The following RPL41 variants were observed in gnomAD, a reference collection of about 807,000 sequenced individuals.
The protein encoded by RPL41 is ribosomal protein L41, also known as small ribosomal subunit protein eS32.
RPL41 carries 3 observed loss-of-function variants against 7.3 expected under a neutral mutation model. The observed-to-expected ratio is 0.41, with a 90% confidence interval of 0.19 to 1.06. The LOEUF is 1.06. Among genes scored for constraint, RPL41 ranks in the 50% least tolerant of loss-of-function variants. The probability of loss-of-function intolerance (pLI) is 0.32; values close to 1 mark genes in which losing one functional copy is unlikely to be tolerated. For missense variants in RPL41, 13 were observed against 30.4 expected, an observed-to-expected ratio of 0.43 and a Z score of 1.35; for synonymous variants, 9 against 7.4, an observed-to-expected ratio of 1.21 and a Z score of -0.34.
At chr12:56,117,266 G>A (rs139239711) in intron 2 of RPL41, 55 bp downstream of exon 2, 11 of 1,572,798 alleles carry the variant, frequency 7.0e-6, no homozygotes, top group South Asian at 1.2e-5. Context: ...ACAAAACTTA[G>A]GAGAAACATT....
In RPL41 at chr12:56,116,669, T is replaced by G. The variant is rs938056439; in HGVS notation, c.-119T>G. ...AGCGCCATTTTTTTGGGTGAGTGTT[T>G]TTTGGTTCCTGCGTTGGGATTCCGT... On this transcript the variant is annotated 5_prime_UTR_variant, in exon 1 of 3. Transcript: ENST00000546591. 16 of 1,290,324 alleles carry G rather than the reference T, an allele frequency of 1.2e-5. No homozygotes were observed. In the African/African-American group the frequency reaches 1.9e-4, roughly 15 times the overall value. 79.9% of individuals were successfully genotyped at this position (1,290,324 alleles called of 1,614,324 possible).
rs796287273 is a variant in RPL41, at chr12:56,116,698, C to T, written c.-90C>T. Reference sequence around the variant, plus strand: ...GGTTCCTGCGTTGGGATTCCGTGTACAATCCATAGACATCTGACCTCGGCA... The same window carrying T: ...GGTTCCTGCGTTGGGATTCCGTGTATAATCCATAGACATCTGACCTCGGCA... On this transcript the variant is annotated 5_prime_UTR_variant, in exon 1 of 3. Transcript: ENST00000546591. 3 of 1,474,722 alleles carry T rather than the reference C, an allele frequency of 2.0e-6. No individual in the cohort carries two copies. The highest frequency in any genetic ancestry group is 2.8e-6 in the Non-Finnish European group (3 of 1,053,250). 91.4% of individuals were successfully genotyped at this position (1,474,722 alleles called of 1,614,324 possible).
intron 1 of RPL41, 30 bp from the exon 2 acceptor site, chr12:56,117,159 A>G: frequency 7.9e-7 from 1 of 1,265,232 alleles, no homozygotes. Flanking sequence ...TTTTTTTTTT[A>G]ATTATCTGCT....
rs557073800 is a variant in RPL41 at position 56,116,851 on chromosome 12, C to A, written c.12+52C>A. The A allele has an allele frequency of 7.5e-5, 121 of 1,610,392 alleles. No homozygotes were observed. In the African/African-American group the frequency reaches 1.6e-3, roughly 21 times the overall value. Reference sequence around the variant, plus strand: ...GGAGGTAGGAGTTGGCGAGTAGTAGCGAGGAGACGAAGGCAAGTCCGCCAT... The same window carrying A: ...GGAGGTAGGAGTTGGCGAGTAGTAGAGAGGAGACGAAGGCAAGTCCGCCAT... On this transcript the variant is annotated intron_variant, in intron 1 of 2. Coordinates refer to ENST00000546591, the MANE Select transcript of RPL41 (RefSeq NM_001035267.2).
At chr12:56,116,951 C>A in intron 1 of RPL41, 152 bp downstream of exon 1, 1 of 1,165,090 alleles carries the variant, frequency 8.6e-7, no homozygotes, top group Non-Finnish European at 1.3e-6. Context: ...AGAGAGCTAG[C>A]GGTTAAGTGC....
chr12:56,116,847 G>C (rs1170247597), intron 1 of RPL41, 48 bp downstream of exon 1: 2 of 1,612,334 alleles, frequency 1.2e-6, no homozygotes, highest in Non-Finnish European at 1.7e-6. Context: ...TTGGCGAGTA[G>C]TAGCGAGGAG....
intron 1 of RPL41, 58 bp downstream of exon 1, chr12:56,116,857 G>A (rs1869619545): frequency 6.2e-7 from 1 of 1,606,480 alleles, no homozygotes; most frequent in Non-Finnish European, 8.5e-7. Flanking sequence ...GTAGCGAGGA[G>A]ACGAAGGCAA....
chr12:56,117,093 G>A (rs968428350), intron 1 of RPL41, 96 bp from the exon 2 acceptor site: 13 of 1,468,650 alleles, frequency 8.9e-6, no homozygotes, highest in Non-Finnish European at 1.2e-5. Flanking sequence ...CGGTTCTAAA[G>A]AGTGCATTTC....
At chr12:56,117,253 T>C in intron 2 of RPL41, 42 bp downstream of exon 2, 1 of 1,582,082 alleles carries the variant, frequency 6.3e-7, no homozygotes, top group Non-Finnish European at 8.5e-7. Context: ...GGAAGTTCCT[T>C]GGACAAAACT....
Position 56,117,557 on chromosome 12 carries a change from G to T in RPL41, c.*33G>T, listed in dbSNP as rs1158304643. 5 of 1,502,026 alleles carry T rather than the reference G, an allele frequency of 3.3e-6. No homozygotes were observed. In the South Asian group the frequency reaches 3.6e-5, roughly 11 times the overall value. The allele number at this position is 1,502,026 out of a possible 1,614,324, so 93.0% of individuals were successfully genotyped here. The stretch of plus-strand genomic sequence containing the variant: ...GCTTGTTGCACCGTGGAGGCCACAG[G>T]AGCAGAAACATGGAATGCCAGACGC... On this transcript the variant is annotated 3_prime_UTR_variant, in exon 3 of 3. Transcript: ENST00000546591.
intron 2 of RPL41, 79 bp downstream of exon 2, chr12:56,117,290 T>C (rs1869643964): frequency 6.5e-7 from 1 of 1,537,934 alleles, no homozygotes; most frequent in South Asian, 1.2e-5. Flanking sequence ...TTTGGAAATC[T>C]TAAAAGATCT....
Position 56,117,227 on chromosome 12 carries a change from G to T in RPL41, c.35+16G>T, listed in dbSNP as rs1201688974. The stretch of plus-strand genomic sequence containing the variant: ...GAATGCGCAGGTACGTTGAGACTTT[G>T]CCAGCCCAGGAGGAGGGAAGTTCCT... On this transcript the variant is annotated intron_variant, in intron 2 of 2. Coordinates refer to ENST00000546591, the MANE Select transcript of RPL41 (RefSeq NM_001035267.2). The T allele has an allele frequency of 6.3e-7, 1 of 1,597,082 alleles. No individual in the cohort carries two copies. Among genetic ancestry groups the T allele is most frequent in the African/African-American group, 1.4e-5 (1 of 72,820 alleles).
At chr12:56,117,422 TGTG>T in intron 2 of RPL41, 57 bp from the exon 3 acceptor site, 2 of 1,519,562 alleles carry the variant, frequency 1.3e-6, no homozygotes, top group Non-Finnish European at 1.8e-6. Flanking sequence ...TTTGATTTAA[TGTG>T]GGAGGGAAAG....
In RPL41 at chr12:56,117,561, A is replaced by C; in HGVS notation, c.*37A>C. On this transcript the variant is annotated 3_prime_UTR_variant, in exon 3 of 3. Coordinates refer to ENST00000546591, the MANE Select transcript of RPL41 (RefSeq NM_001035267.2). ...GTTGCACCGTGGAGGCCACAGGAGC[A>C]GAAACATGGAATGCCAGACGCTGGG... 1 of 1,473,898 alleles carries C rather than the reference A, an allele frequency of 6.8e-7. No homozygotes were observed. The highest frequency in any genetic ancestry group is 1.2e-5 in the South Asian group (1 of 82,264). 91.3% of individuals were successfully genotyped at this position (1,473,898 alleles called of 1,614,324 possible).
At chr12:56,117,138 CTTTTTTTTT>C (rs535158816) in intron 1 of RPL41, 42 bp from the exon 2 acceptor site, 2 of 1,424,948 alleles carry the variant, frequency 1.4e-6, no homozygotes, top group Non-Finnish European at 1.9e-6. Flanking sequence ...AGCTTCATCC[CTTTTTTTTT>C]TTTTTTTTTT....
At chr12:56,116,825 G>A in intron 1 of RPL41, 26 bp downstream of exon 1, 1 of 1,613,990 alleles carries the variant, frequency 6.2e-7, no homozygotes, top group East Asian at 2.2e-5. Flanking sequence ...TAGTAAGCTT[G>A]GGAGGTAGGA....
Position 56,117,215 on chromosome 12 carries a change from C to T in RPL41, c.35+4C>T, listed in dbSNP as rs1869640431. 1.3e-6 allele frequency: 2 copies of T among 1,597,194 alleles called. No individual in the cohort carries two copies. Among genetic ancestry groups the T allele is most frequent in the Non-Finnish European group, 8.5e-7 (1 of 1,175,820 alleles). Reference sequence around the variant, plus strand: ...GGAGGAAGAAGCGAATGCGCAGGTACGTTGAGACTTTGCCAGCCCAGGAGG... The same window carrying T: ...GGAGGAAGAAGCGAATGCGCAGGTATGTTGAGACTTTGCCAGCCCAGGAGG... On this transcript the variant is annotated splice_donor_region_variant and intron_variant, in intron 2 of 2. Transcript: ENST00000546591.
chr12:56,116,781 C>T lies in RPL41; in HGVS notation c.-7C>T. The T allele has an allele frequency of 6.2e-7, 1 of 1,614,070 alleles. No homozygotes were observed. Among genetic ancestry groups the T allele is most frequent in the Non-Finnish European group, 8.5e-7 (1 of 1,179,902 alleles). ...TTTCTCTCTTTCCCTGTAGAAACCT[C>T]TGCGCCATGAGAGCCAAGGTGAGCG... On this transcript the variant is annotated 5_prime_UTR_variant, in exon 1 of 3. Coordinates refer to ENST00000546591, the MANE Select transcript of RPL41 (RefSeq NM_001035267.2).
At position 56,116,664 on chromosome 12, in the gene RPL41, G is replaced by GT. The variant is rs1185231737; in HGVS notation, c.-123dup. On this transcript the variant is annotated 5_prime_UTR_variant, in exon 1 of 3. Coordinates refer to ENST00000546591, the MANE Select transcript of RPL41 (RefSeq NM_001035267.2). ...GCCTTAGCGCCATTTTTTTGGGTGA[G>GT]TGTTTTTTGGTTCCTGCGTTGGGAT... 1 of 1,204,092 alleles carries GT rather than the reference G, an allele frequency of 8.3e-7. No homozygotes were observed. The highest frequency in any genetic ancestry group is 1.2e-6 in the Non-Finnish European group (1 of 810,940). The allele number at this position is 1,204,092 out of a possible 1,614,324, so 74.6% of individuals were successfully genotyped here. A position where few individuals can be genotyped will look rare whatever the true frequency, so the allele number is the denominator to read the frequency against.
Sources: gnomAD v4.1 joint callset for allele counts on GRCh38, gnomAD v4.1.1 for gene constraint, MANE v1.5 for transcripts, NCBI Gene and HGNC (gene_info 2026-07-23, HGNC 2026-07-21) for gene names.